The following XKR3 variants were observed in gnomAD, a reference collection of about 807,000 sequenced individuals.
XKR3 encodes the protein XK-related protein 3.
Under a neutral mutation model 40.3 loss-of-function variants are expected in XKR3, and 27 were observed. The ratio of observed to expected loss-of-function variants is 0.67; its 90% CI spans 0.49 to 0.92. The LOEUF (loss-of-function observed/expected upper bound fraction) is 0.92. Among genes scored for constraint, XKR3 ranks in the 40% least tolerant of loss-of-function variants. The pLI is 0.00. For missense variants in XKR3, 472 were observed against 537.6 expected (o/e 0.88, Z 1.21); for synonymous variants, 193 against 195.4 (o/e 0.99, Z 0.10).
At chr22:16,788,818 G>A (rs1455515864) in intron 3 of XKR3, among the ~76,000 whole-genome samples, 2 of 151,816 alleles carry the variant, frequency 1.3e-5, no homozygotes, top group Non-Finnish European at 2.9e-5. Context: ...TGAGATTACA[G>A]GAATACAGGA....
intron 3 of XKR3, among the ~76,000 whole-genome samples, chr22:16,788,741 A>G (rs1458360467): frequency 6.6e-6 from 1 of 152,162 alleles, no homozygotes; most frequent in Non-Finnish European, 1.5e-5. Flanking sequence ...AAAATCCTCA[A>G]CAGAATACTG....
intron 1 of XKR3, chr22:16,821,708 A>G (rs1351366833): frequency 6.6e-6 from 1 of 152,142 alleles, no homozygotes; most frequent in Admixed American, 6.5e-5. Context: ...AGATTTTGTT[A>G]CAAGAATAAT....
intron 2 of XKR3, among the ~76,000 whole-genome samples, chr22:16,806,606 T>G (rs1387776307): frequency 6.6e-6 from 1 of 151,968 alleles, no homozygotes; most frequent in African/African-American, 2.4e-5. Flanking sequence ...CCCGGCTATT[T>G]TTTTTGGTAT....
chr22:16,820,665 A>G (rs1301806821), intron 1 of XKR3, among the ~76,000 whole-genome samples: 6 of 152,122 alleles, frequency 3.9e-5, no homozygotes, highest in Admixed American at 1.3e-4. Context: ...AGTACACAAT[A>G]CAGAGACCAT....
chr22:16,800,687 G>T (rs1232979733), intron 2 of XKR3, among the ~76,000 whole-genome samples: 2 of 151,994 alleles, frequency 1.3e-5, no homozygotes, highest in African/African-American at 4.8e-5. Flanking sequence ...AGTCCTCAAA[G>T]AACTTTCACA....
Position 16,791,328 on chromosome 22 carries a change from ACT to A in XKR3, c.590-6921_590-6920del, listed in dbSNP as rs1344444951. ...TATGAGAAAACTTAAAAAAAAAAAG[ACT>A]CTGTGGATATAGAGAGTGAAACAAT... On this transcript the variant is annotated intron_variant, in intron 3 of 3. Coordinates refer to ENST00000684488, the MANE Select transcript of XKR3 (RefSeq NM_001386955.1). 4.6e-4 allele frequency among the ~76,000 whole-genome samples: 70 copies of A among 151,926 alleles called. No individual in the cohort carries two copies. In the East Asian group the frequency reaches 0.012, roughly 25 times the overall value.
intron 1 of XKR3, among the ~76,000 whole-genome samples, chr22:16,809,958 C>T (rs1346982524): frequency 2.0e-5 from 3 of 152,144 alleles, no homozygotes; most frequent in African/African-American, 7.2e-5. Context: ...CTTCATATTG[C>T]CCAGGCTGGT....
intron 1 of XKR3, among the ~76,000 whole-genome samples, chr22:16,819,698 G>A (rs2060248077): frequency 6.6e-6 from 1 of 151,906 alleles, no homozygotes. Context: ...ACCCTCTTAG[G>A]CGTGGCAAAG....
chr22:16,786,759 A>G (rs2060092432), intron 3 of XKR3, among the ~76,000 whole-genome samples: 1 of 152,164 alleles, frequency 6.6e-6, no homozygotes, highest in African/African-American at 2.4e-5. Context: ...ATCTCTGGAC[A>G]GGCTTACTGT....
chr22:16,784,930 A>C (rs1481112931), intron 3 of XKR3, among the ~76,000 whole-genome samples: 1 of 152,242 alleles, frequency 6.6e-6, no homozygotes, highest in Non-Finnish European at 1.5e-5. Context: ...TGTGGAGTTA[A>C]AGTAAATCCT....
intron 2 of XKR3, among the ~76,000 whole-genome samples, chr22:16,802,203 A>G (rs1434236556): frequency 1.3e-5 from 2 of 152,188 alleles, no homozygotes; most frequent in African/African-American, 4.8e-5. Flanking sequence ...CCCTTTAGAT[A>G]CTTTTGACCT....
At chr22:16,823,737 A>G (rs1394773418) in intron 1 of XKR3, among the ~76,000 whole-genome samples, 2 of 152,196 alleles carry the variant, frequency 1.3e-5, no homozygotes, top group African/African-American at 2.4e-5. Flanking sequence ...CCAGCAATGG[A>G]GAGATCAATA....
At chr22:16,784,443 AT>A in intron 3 of XKR3, 34 bp from the exon 4 acceptor site, 1 of 1,529,168 alleles carries the variant, frequency 6.5e-7, no homozygotes, top group South Asian at 1.3e-5. Flanking sequence ...GTTAGAGAAT[AT>A]TTTTCATTAG....
rs5748623 is a variant in XKR3 at position 16,784,234 on chromosome 22, A to C, written c.765T>G (p.Phe255Leu). 0.86 allele frequency: 1,392,442 copies of C among 1,614,092 alleles called. 601,842 individuals are homozygous for C. Among genetic ancestry groups the C allele is most frequent in the Middle Eastern group, 0.96 (5,813 of 6,062 alleles). The change falls in exon 4 of 4, where the codon TTT becomes TTG. Residue 255 changes from phenylalanine (F) to leucine (L), a missense_variant. Transcript: ENST00000684488. ...TCTTCAGTTTCAGAGATGCAATGAA[A>C]AATGCCAGAGTCACTACACGTGAGA... ...EVISRVVTLA[F>L]FIASLKLKSL...
intron 1 of XKR3, among the ~76,000 whole-genome samples, chr22:16,808,906 T>G (rs1289298421): frequency 6.6e-6 from 1 of 152,004 alleles, no homozygotes; most frequent in Non-Finnish European, 1.5e-5. Flanking sequence ...GAAATATTTT[T>G]CTGACTAAAA....
At chr22:16,807,599 G>A in intron 2 of XKR3, 140 bp downstream of exon 2, 1 of 853,716 alleles carries the variant, frequency 1.2e-6, no homozygotes, top group Non-Finnish European at 1.8e-6. Context: ...TTACGAAAGT[G>A]TGAAAACTAA....
In XKR3 at chr22:16,800,000, G is replaced by T; in HGVS notation, c.360C>A (p.Tyr120Ter). 1 of 1,614,036 alleles carries T rather than the reference G, an allele frequency of 6.2e-7. No individual in the cohort carries two copies. The highest frequency in any genetic ancestry group is 8.5e-7 in the Non-Finnish European group (1 of 1,179,994). Reference sequence around the variant, plus strand: ...GTTTAAGATTTTTCAACCATTTGTGGTAATTTCTAATGGTGTGCAAACACC... The same window carrying T: ...GTTTAAGATTTTTCAACCATTTGTGTTAATTTCTAATGGTGTGCAAACACC... ...IVRCLHTIRN[Y>*]HKWLKNLKQE... Residue 120 changes from tyrosine to a stop codon, truncating the protein, a stop_gained, in exon 3 of 4, where the codon TAC becomes TAA. Coordinates refer to ENST00000684488, the MANE Select transcript of XKR3 (RefSeq NM_001386955.1). LOFTEE classifies it high-confidence loss of function.
rs1473563088 is a variant in XKR3 at position 16,784,020 on chromosome 22, G to T, written c.979C>A (p.Leu327Met). The change falls in exon 4 of 4, where the codon CTG becomes ATG. Residue 327 changes from leucine to methionine, a missense_variant. Transcript: ENST00000684488. ...INFSCWSAVK[L>M]QLSDDKIIDG... is the part of the protein sequence containing the mutation. ...ATTATTTTGTCATCTGACAACTGCA[G>T]TTTCACTGCTGACCAGCAGGAGAAG... 13 of 1,614,102 alleles carry T rather than the reference G, an allele frequency of 8.1e-6. No homozygotes were observed. In the Admixed American group the frequency reaches 2.0e-4, roughly 25 times the overall value.
rs1171003344 is a variant in XKR3, at chr22:16,825,363, G to A, written c.-83C>T. 2.6e-5 allele frequency among the ~76,000 whole-genome samples: 4 copies of A among 152,202 alleles called. No individual in the cohort carries two copies. The highest frequency in any genetic ancestry group is 5.9e-5 in the Non-Finnish European group (4 of 68,030). On this transcript the variant is annotated 5_prime_UTR_variant, in exon 1 of 4. Transcript: ENST00000684488. ...AATGCTTTTGTTCACCTCTTTAACA[G>A]CACCATTTCTGGTCTCGTTTTCAAC... is the stretch of plus-strand genomic sequence containing the variant.
Sources: allele counts gnomAD v4.1 joint callset (sites outside exome capture counted in the v4.1 genomes callset), GRCh38; gene constraint gnomAD v4.1.1; transcripts MANE v1.5; gene names NCBI Gene and HGNC (gene_info 2026-07-23, HGNC 2026-07-21).